The following GNAI3 variants were observed in gnomAD, a reference collection of about 807,000 sequenced individuals.
GNAI3 encodes the protein G protein subunit alpha i3.
Under a neutral mutation model 41.8 loss-of-function variants are expected in GNAI3, and 12 were observed. The observed-to-expected ratio is 0.29, with a 90% CI of 0.18 to 0.47. The LOEUF (loss-of-function observed/expected upper bound fraction) is 0.47, where lower values mean the gene tolerates loss of function less well. Ranked by LOEUF, GNAI3 falls within the 20% of genes least tolerant of loss-of-function variation. The pLI is 1.00. For synonymous variants in GNAI3, 132 were observed against 146.5 expected (o/e 0.90, Z 0.71); for missense variants, 360 against 429.6 (o/e 0.84, Z 1.43).
chr1:109,581,953 T>G (rs935668243), intron 4 of GNAI3, among the ~76,000 whole-genome samples: 1 of 152,092 alleles, frequency 6.6e-6, no homozygotes, highest in African/African-American at 2.4e-5. Flanking sequence ...ATAGACTCTA[T>G]ACTTTAATTG....
chr1:109,568,024 A>G (rs976209462), intron 1 of GNAI3, among the ~76,000 whole-genome samples: 3 of 151,028 alleles, frequency 2.0e-5, no homozygotes, highest in Non-Finnish European at 4.4e-5. Context: ...TTTTAAAATC[A>G]GTCTGTATGT....
At chr1:109,561,894 G>T (rs781092329) in intron 1 of GNAI3, among the ~76,000 whole-genome samples, 4 of 152,142 alleles carry the variant, frequency 2.6e-5, no homozygotes, top group African/African-American at 9.7e-5. Context: ...TAAGGCAGAG[G>T]CTGGAGAGAA....
At chr1:109,587,222 AGTC>A (rs1218760430) in intron 7 of GNAI3, among the ~76,000 whole-genome samples, 5 of 152,208 alleles carry the variant, frequency 3.3e-5, no homozygotes, top group Non-Finnish European at 7.3e-5. Flanking sequence ...GTTTGAGATC[AGTC>A]TAGGCAACAT....
chr1:109,571,758 A>G (rs1457782709), intron 1 of GNAI3, among the ~76,000 whole-genome samples: 3 of 152,168 alleles, frequency 2.0e-5, no homozygotes, highest in African/African-American at 4.8e-5. Flanking sequence ...TCTCTACTAA[A>G]AATACAAAAA....
intron 1 of GNAI3, among the ~76,000 whole-genome samples, chr1:109,553,384 A>T (rs139040573): frequency 6.6e-6 from 1 of 152,206 alleles, no homozygotes; most frequent in Non-Finnish European, 1.5e-5. Flanking sequence ...TGGTGGTAGT[A>T]TGGCAAAAAG....
chr1:109,563,510 TA>T (rs1275140449), intron 1 of GNAI3, among the ~76,000 whole-genome samples: 1 of 152,220 alleles, frequency 6.6e-6, no homozygotes, highest in African/African-American at 2.4e-5. Flanking sequence ...TCTCCCCCTT[TA>T]AATGATAACA....
intron 3 of GNAI3, among the ~76,000 whole-genome samples, chr1:109,578,470 C>CAAAAAAAA (rs35519193): frequency 2.4e-5 from 2 of 84,304 alleles, no homozygotes; most frequent in African/African-American, 4.6e-5. Flanking sequence ...AACTCCGTCT[C>CAAAAAAAA]AAAAAAAAAA....
intron 1 of GNAI3, among the ~76,000 whole-genome samples, chr1:109,550,807 A>G (rs1371420414): frequency 2.0e-5 from 3 of 152,260 alleles, no homozygotes; most frequent in Non-Finnish European, 4.4e-5. Context: ...TGCTGGGATT[A>G]TAGGCGTGAG....
At chr1:109,550,035 G>A (rs943054101) in intron 1 of GNAI3, among the ~76,000 whole-genome samples, 6 of 152,072 alleles carry the variant, frequency 3.9e-5, no homozygotes, top group Non-Finnish European at 7.4e-5. Context: ...AGAATAAGTA[G>A]GAGTAGGGGT....
At chr1:109,580,998 T>C (rs1343071290) in intron 4 of GNAI3, among the ~76,000 whole-genome samples, 1 of 152,218 alleles carries the variant, frequency 6.6e-6, no homozygotes, top group Non-Finnish European at 1.5e-5. Flanking sequence ...CAAAGGTAGA[T>C]TATAATTGCT....
intron 1 of GNAI3, among the ~76,000 whole-genome samples, chr1:109,552,463 G>A (rs1301441990): frequency 6.6e-6 from 1 of 151,902 alleles, no homozygotes; most frequent in African/African-American, 2.4e-5. Flanking sequence ...ATTAGAGATG[G>A]GGGTCTCATT....
intron 1 of GNAI3, among the ~76,000 whole-genome samples, chr1:109,562,077 C>G (rs934841759): frequency 1.3e-4 from 19 of 151,948 alleles, no homozygotes; most frequent in Non-Finnish European, 2.4e-4. Flanking sequence ...GTATTTTAAG[C>G]TGTATTATGT....
At chr1:109,553,030 A>G (rs1229207119) in intron 1 of GNAI3, among the ~76,000 whole-genome samples, 4 of 152,240 alleles carry the variant, frequency 2.6e-5, no homozygotes, top group Non-Finnish European at 5.9e-5. Context: ...AATGCTTCAC[A>G]TTAGTGCCTA....
rs944430961 is a variant in GNAI3 at position 109,593,345 on chromosome 1, T to C, written c.*1023T>C. On this transcript the variant is annotated 3_prime_UTR_variant, in exon 9 of 9. Transcript: ENST00000369851. ...TTTACTTTGTAAATGTGGTGCCAAA[T>C]CCCTGTTTGCCATCGTTTTTACTGT... The C allele has an allele frequency of 6.5e-6, 1 of 152,674 alleles. No homozygotes were observed. The highest frequency in any genetic ancestry group is 1.5e-5 in the Non-Finnish European group (1 of 68,038). 9.5% of individuals were successfully genotyped at this position (152,674 alleles called of 1,614,324 possible).
chr1:109,588,121 C>T (rs1012444259), intron 7 of GNAI3, among the ~76,000 whole-genome samples: 1 of 152,162 alleles, frequency 6.6e-6, no homozygotes, highest in African/African-American at 2.4e-5. Context: ...TGGCTCACGC[C>T]TGTAATCCCA....
chr1:109,583,151 A>AT, intron 5 of GNAI3, among the ~76,000 whole-genome samples: 1 of 152,286 alleles, frequency 6.6e-6, no homozygotes, highest in African/African-American at 2.4e-5. Context: ...AGACTTGGGG[A>AT]TAGAGGTATT....
intron 7 of GNAI3, among the ~76,000 whole-genome samples, chr1:109,588,650 T>G (rs1469509749): frequency 6.6e-6 from 1 of 152,062 alleles, no homozygotes; most frequent in African/African-American, 2.4e-5. Context: ...ATCCCAGCAC[T>G]TTGGGAGGCC....
At chr1:109,571,502 C>G (rs964012504) in intron 1 of GNAI3, among the ~76,000 whole-genome samples, 10 of 152,162 alleles carry the variant, frequency 6.6e-5, no homozygotes, top group African/African-American at 2.2e-4. Context: ...GTAATAATGT[C>G]TACCTCATAG....
At chr1:109,551,927 C>G (rs543444722) in intron 1 of GNAI3, among the ~76,000 whole-genome samples, 1 of 151,924 alleles carries the variant, frequency 6.6e-6, no homozygotes, top group Non-Finnish European at 1.5e-5. Flanking sequence ...TTTGGGAGGC[C>G]GAGGCTGGTG....
Sources: gnomAD v4.1 joint callset for allele counts (sites outside exome capture counted in the v4.1 genomes callset) on GRCh38, gnomAD v4.1.1 for gene constraint, MANE v1.5 for transcripts, NCBI Gene and HGNC (gene_info 2026-07-23, HGNC 2026-07-21) for gene names.